Variants in PPP2R1B observed in about 807,000 individuals in gnomAD.
PPP2R1B encodes the protein protein phosphatase 2 scaffold subunit Abeta.
In PPP2R1B, 58 loss-of-function variants were observed where a neutral mutation model predicts 72.7. The ratio of observed to expected loss-of-function variants is 0.80; its 90% CI spans 0.65 to 0.99. PPP2R1B has a LOEUF of 0.99. Ranked by LOEUF, PPP2R1B falls within the 50% of genes least tolerant of loss-of-function variation. The pLI is 0.00. For missense variants in PPP2R1B, 695 were observed against 733.6 expected, an observed-to-expected ratio of 0.95 and a Z score of 0.61; for synonymous variants, 256 against 264.6, an observed-to-expected ratio of 0.97 and a Z score of 0.32.
At position 111,741,371 on chromosome 11, in the gene PPP2R1B, C is replaced by A; in HGVS notation, c.*225G>T. ...AGACAATCAAGTGTCAGGAATTGGT[C>A]AATAAGAACGGCTTAAATAATGATT... is the stretch of plus-strand genomic sequence containing the variant. On this transcript the variant is annotated 3_prime_UTR_variant, in exon 15 of 15. Transcript: ENST00000527614. 7.3e-7 allele frequency: 1 copy of A among 1,368,380 alleles called. No homozygotes were observed. The highest frequency in any genetic ancestry group is 9.4e-7 in the Non-Finnish European group (1 of 1,063,796). The allele number at this position is 1,368,380 out of a possible 1,614,324, so 84.8% of individuals were successfully genotyped here. A position where few individuals can be genotyped will look rare whatever the true frequency, so the allele number is the denominator to read the frequency against.
chr11:111,696,392 A>G, the PPP2R1B span, among the ~76,000 whole-genome samples: 1 of 152,174 alleles, frequency 6.6e-6, no homozygotes, highest in African/African-American at 2.4e-5. Context: ...GGTGAAGGGT[A>G]TGGGGAATTC....
downstream of PPP2R1B, chr11:111,726,717 C>T (rs1943978893): frequency 1.4e-5 from 7 of 510,318 alleles, no homozygotes; most frequent in East Asian, 6.5e-5. Flanking sequence ...TACTAACAAA[C>T]AAAACACTAA....
At chr11:111,766,227 T>A (rs782222080) in intron 1 of PPP2R1B, 21 bp downstream of exon 1, 1 of 1,612,102 alleles carries the variant, frequency 6.2e-7, no homozygotes, top group East Asian at 2.2e-5. Flanking sequence ...TCGCCTCGGG[T>A]CCCCGGCCTC....
chr11:111,713,990 A>G, the PPP2R1B span, among the ~76,000 whole-genome samples: 2 of 152,176 alleles, frequency 1.3e-5, no homozygotes, highest in African/African-American at 4.8e-5. Flanking sequence ...ATAAAATATG[A>G]TCAGTCCTTT....
intron 7 of PPP2R1B, 145 bp from the exon 8 acceptor site, chr11:111,754,714 T>C (rs1945036675): frequency 7.1e-7 from 1 of 1,399,438 alleles, no homozygotes; most frequent in Non-Finnish European, 9.4e-7. Flanking sequence ...CTAAATAAAC[T>C]TTTTCGTGAA....
At chr11:111,749,249 A>G (rs1476079646) in intron 10 of PPP2R1B, among the ~76,000 whole-genome samples, 5 of 151,878 alleles carry the variant, frequency 3.3e-5, no homozygotes, top group African/African-American at 1.2e-4. Context: ...ATTTTCCTTC[A>G]GTTTTAATTA....
At chr11:111,729,167 AG>A (rs1845392359) in intron 15 of PPP2R1B, 1 of 152,160 alleles carries the variant, frequency 6.6e-6, no homozygotes, top group Non-Finnish European at 1.5e-5. Flanking sequence ...AAGGTAGCCT[AG>A]CTGATTCTAG....
At chr11:111,734,379 A>G (rs547767424), downstream of PPP2R1B, among the ~76,000 whole-genome samples, 27 of 152,334 alleles carry the variant, frequency 1.8e-4, no homozygotes, top group Admixed American at 1.8e-3. Context: ...TACCACAAAC[A>G]TAAGAACATC....
Position 111,765,346 on chromosome 11 carries a change from G to A in PPP2R1B, c.153C>T (p.Ala51=). 6.2e-7 allele frequency: 1 copy of A among 1,613,656 alleles called. No homozygotes were observed. The highest frequency in any genetic ancestry group is 8.5e-7 in the Non-Finnish European group (1 of 1,179,642). The change falls in exon 2 of 15, where the codon GCC becomes GCT. Residue 51 remains alanine (A), a synonymous_variant. Transcript: ENST00000527614. ...LNSIKKLSTI[A]LALGVERTRS... Reference sequence around the variant, plus strand: ...GGGTCCTTTCTACTCCAAGTGCTAGGGCAATTGTTGATAACTTCTTAATAC... The same window carrying A: ...GGGTCCTTTCTACTCCAAGTGCTAGAGCAATTGTTGATAACTTCTTAATAC...
At chr11:111,702,151 T>A in the PPP2R1B span, among the ~76,000 whole-genome samples, 1 of 152,234 alleles carries the variant, frequency 6.6e-6, no homozygotes, top group East Asian at 1.9e-4. Flanking sequence ...CCAGACTGCC[T>A]GGTTTTAATC....
the PPP2R1B span, among the ~76,000 whole-genome samples, chr11:111,700,668 T>G: frequency 2.0e-5 from 3 of 152,202 alleles, no homozygotes; most frequent in Non-Finnish European, 4.4e-5. Flanking sequence ...GGAAGAAAAC[T>G]TGATTCATTT....
chr11:111,745,101 G>A (rs962705479), intron 11 of PPP2R1B, among the ~76,000 whole-genome samples: 12 of 144,984 alleles, frequency 8.3e-5, no homozygotes, highest in Admixed American at 3.5e-4. Context: ...TCTCAGGCTG[G>A]AGTGCAGTGG....
chr11:111,721,739 C>T, the PPP2R1B span: 2 of 914,762 alleles, frequency 2.2e-6, no homozygotes, highest in Admixed American at 2.8e-5. Context: ...GTTGGTATTC[C>T]TATTGGACAT....
At chr11:111,763,490 T>C (rs915755244) in intron 3 of PPP2R1B, among the ~76,000 whole-genome samples, 2 of 151,728 alleles carry the variant, frequency 1.3e-5, no homozygotes, top group Admixed American at 1.3e-4. Context: ...GAGGCAAGAG[T>C]GGAAAGCATT....
chr11:111,744,026 TG>T (rs897552343), intron 11 of PPP2R1B, among the ~76,000 whole-genome samples: 6 of 152,062 alleles, frequency 3.9e-5, no homozygotes, highest in African/African-American at 1.4e-4. Flanking sequence ...GGAGGATCTG[TG>T]TAAGTGGAGA....
the PPP2R1B span, among the ~76,000 whole-genome samples, chr11:111,717,188 C>T: frequency 3.3e-5 from 5 of 151,658 alleles, no homozygotes; most frequent in Admixed American, 1.3e-4. Flanking sequence ...TGGTGATGGG[C>T]GCCTGTAGTC....
chr11:111,702,717 T>C, the PPP2R1B span, among the ~76,000 whole-genome samples: 1 of 152,140 alleles, frequency 6.6e-6, no homozygotes, highest in East Asian at 1.9e-4. Context: ...AGCAGTGCGG[T>C]TTTCTTGGTG....
At position 111,752,244 on chromosome 11, in the gene PPP2R1B, G is replaced by C. The variant is rs1944935788; in HGVS notation, c.1253C>G (p.Pro418Arg). The change falls in exon 10 of 15, where the codon CCT (proline) becomes CGT (arginine). Residue 418 changes from proline (P) to arginine (R), a missense_variant. Pro to Arg is a moderately radical substitution (Grantham distance 103, BLOSUM62 -2). Coordinates refer to ENST00000527614, the MANE Select transcript of PPP2R1B (RefSeq NM_002716.5). ...GIRQLSQSLLPAIVELAEDAK... is the reference protein window; with the variant it reads ...GIRQLSQSLLRAIVELAEDAK... ...ATCTTCTGCCAGCTCCACTATGGCAGGAAGGAGAGACTGAGAGAGCTGACG... is the reference window on the plus strand; with the variant it reads ...ATCTTCTGCCAGCTCCACTATGGCACGAAGGAGAGACTGAGAGAGCTGACG... The C allele has an allele frequency of 6.2e-7, 1 of 1,613,990 alleles. No individual in the cohort carries two copies. The highest frequency in any genetic ancestry group is 1.7e-5 in the Admixed American group (1 of 60,000).
chr11:111,749,792 C>T (rs1213513422), intron 10 of PPP2R1B, among the ~76,000 whole-genome samples: 1 of 152,162 alleles, frequency 6.6e-6, no homozygotes, highest in Non-Finnish European at 1.5e-5. Context: ...TCACCCCTGC[C>T]AGACAGGTGT....
Sources: gnomAD v4.1 joint callset for allele counts (sites outside exome capture counted in the v4.1 genomes callset) on GRCh38, gnomAD v4.1.1 for gene constraint, MANE v1.5 for transcripts, NCBI Gene and HGNC (gene_info 2026-07-23, HGNC 2026-07-21) for gene names.